Variants in NCAPG observed in about 807,000 individuals in gnomAD.
NCAPG encodes the protein condensin complex subunit 3.
Under a neutral mutation model 113.1 loss-of-function variants are expected in NCAPG, and 69 were observed. That is an observed-to-expected ratio of 0.61 (90% CI 0.50 to 0.75). The LOEUF (loss-of-function observed/expected upper bound fraction) is 0.75, where lower values mean the gene tolerates loss of function less well. Among genes scored for constraint, NCAPG ranks in the 30% least tolerant of loss-of-function variants. The pLI is 0.00. For missense variants in NCAPG, 1,058 were observed against 1,177.0 expected, an observed-to-expected ratio of 0.90 and a Z score of 1.48; for synonymous variants, 370 against 415.8, an observed-to-expected ratio of 0.89 and a Z score of 1.34.
chr4:17,817,237 C>T, intron 5 of NCAPG, 24 bp from the exon 6 acceptor site: 1 of 1,580,640 alleles, frequency 6.3e-7, no homozygotes, highest in Non-Finnish European at 8.6e-7. Context: ...CCTTTGTTCA[C>T]CTATGTTTCA....
intron 19 of NCAPG, chr4:17,842,082 C>A: frequency 2.4e-6 from 1 of 421,356 alleles, no homozygotes; most frequent in Non-Finnish European, 4.4e-6. Flanking sequence ...TCCTTATTTT[C>A]CCTTACTCAT....
rs1210298662 is a variant in NCAPG, at chr4:17,844,132, ATATT to A, written c.*714_*717del. On this transcript the variant is annotated 3_prime_UTR_variant, in exon 21 of 21. Transcript: ENST00000251496. ...GCTATATTTTTGGCATAACAAAATA[ATATT>A]TATTTACTGTGGATAATAATTCTAG... The A allele has an allele frequency of 1.3e-5, 2 of 151,988 alleles. No individual in the cohort carries two copies. Among genetic ancestry groups the A allele is most frequent in the Admixed American group, 1.3e-4 (2 of 15,244 alleles). The allele number at this position is 151,988 out of a possible 1,614,324, so 9.4% of individuals were successfully genotyped here. A position where few individuals can be genotyped will look rare whatever the true frequency, so the allele number is the denominator to read the frequency against.
At chr4:17,827,049 C>A in intron 11 of NCAPG, among the ~76,000 whole-genome samples, 1 of 152,184 alleles carries the variant, frequency 6.6e-6, no homozygotes, top group Non-Finnish European at 1.5e-5. Flanking sequence ...TAGACTTGTG[C>A]TTTTAACTCA....
Position 17,837,533 on chromosome 4 carries a change from T to C in NCAPG, c.2292-94T>C, listed in dbSNP as rs878911125. 3 of 1,394,480 alleles carry C rather than the reference T, an allele frequency of 2.2e-6. No individual in the cohort carries two copies. The South Asian group carries it at 4.1e-5, about 19-fold the overall frequency. 86.4% of individuals were successfully genotyped at this position (1,394,480 alleles called of 1,614,324 possible). ...CTTTCCTAGATGAAAATGCACTTAATGAGTGAATTTCCTACATAGTAGTTT... is the reference window on the plus strand; with the variant it reads ...CTTTCCTAGATGAAAATGCACTTAACGAGTGAATTTCCTACATAGTAGTTT... On this transcript the variant is annotated intron_variant, in intron 15 of 20. Coordinates refer to ENST00000251496, the MANE Select transcript of NCAPG (RefSeq NM_022346.5).
At chr4:17,813,176 A>C in intron 3 of NCAPG, 31 bp downstream of exon 3, 1 of 1,545,288 alleles carries the variant, frequency 6.5e-7, no homozygotes, top group East Asian at 2.3e-5. Flanking sequence ...CTTTTTTCAG[A>C]TTTGTTGATT....
chr4:17,826,674 C>A (rs999899794), intron 11 of NCAPG, among the ~76,000 whole-genome samples: 2 of 152,098 alleles, frequency 1.3e-5, no homozygotes, highest in African/African-American at 2.4e-5. Context: ...TTGTCCTGTT[C>A]GAGGGCTACA....
At chr4:17,840,562 C>A in intron 18 of NCAPG, 45 bp from the exon 19 acceptor site, 4 of 1,118,998 alleles carry the variant, frequency 3.6e-6, no homozygotes, top group South Asian at 2.3e-5. Context: ...TAAAATATTT[C>A]ATGAGGTTAT....
intron 5 of NCAPG, 111 bp downstream of exon 5, chr4:17,815,469 G>T: frequency 1.5e-6 from 1 of 678,858 alleles, no homozygotes; most frequent in East Asian, 3.0e-5. Context: ...CCAGTCCCAT[G>T]AACCTGGTGA....
chr4:17,831,528 G>C (rs1721869099), intron 13 of NCAPG, among the ~76,000 whole-genome samples: 1 of 152,174 alleles, frequency 6.6e-6, no homozygotes, highest in East Asian at 1.9e-4. Context: ...GCAGAGAAGG[G>C]GATTAAGCAG....
rs1473420208 is a variant in NCAPG, at chr4:17,843,839, T to TAACA, written c.*415_*418dup. On this transcript the variant is annotated 3_prime_UTR_variant, in exon 21 of 21. Transcript: ENST00000251496. Reference sequence around the variant, plus strand: ...ACCGCCTGAGGACACATTTAACAAGTAACATTTCTAGGGAAAATGAAGGAA... The same window carrying TAACA: ...ACCGCCTGAGGACACATTTAACAAGTAACAAACATTTCTAGGGAAAATGAAGGAA... The TAACA allele has an allele frequency of 6.5e-6, 1 of 153,718 alleles. No individual in the cohort carries two copies. The highest frequency in any genetic ancestry group is 1.5e-5 in the Non-Finnish European group (1 of 68,960). 9.5% of individuals were successfully genotyped at this position (153,718 alleles called of 1,614,324 possible).
At chr4:17,837,115 G>A (rs1560231969) in intron 14 of NCAPG, 44 bp from the exon 15 acceptor site, 1 of 1,564,768 alleles carries the variant, frequency 6.4e-7, no homozygotes, top group South Asian at 1.1e-5. Context: ...GGCTTAAAAA[G>A]GAGATACAAA....
At position 17,814,902 on chromosome 4, in the gene NCAPG, A is replaced by G. The variant is rs1381769860; in HGVS notation, c.594A>G (p.Ala198=). ...ENDSNPEVRR[A]VLSCIAPSAK... ...ATTCAAATCCAGAAGTTAGACGGGC[A>G]GTGTTATCATGTATTGCACCATCAG... The change falls in exon 4 of 21, where the codon GCA becomes GCG. Residue 198 remains alanine (A), a synonymous_variant. Transcript: ENST00000251496. 2.5e-6 allele frequency: 4 copies of G among 1,614,118 alleles called. No homozygotes were observed. The highest frequency in any genetic ancestry group is 3.4e-6 in the Non-Finnish European group (4 of 1,180,040).
chr4:17,843,183 G>A (rs1320317901), intron 20 of NCAPG, 119 bp from the exon 21 acceptor site: 5 of 1,093,420 alleles, frequency 4.6e-6, no homozygotes, highest in East Asian at 5.0e-5. Context: ...TAAGTCAATG[G>A]AATCAGGCTA....
rs891982411 is a variant in NCAPG, at chr4:17,843,607, G to GA, written c.*187dup. On this transcript the variant is annotated 3_prime_UTR_variant, in exon 21 of 21. Coordinates refer to ENST00000251496, the MANE Select transcript of NCAPG (RefSeq NM_022346.5). ...GAGCAGCATCAGTTATTATAGTCCA[G>GA]AAAAAGTGTGCATCAGTCAGTCACA... 4.9e-5 allele frequency: 26 copies of GA among 528,526 alleles called. No individual in the cohort carries two copies. The highest frequency in any genetic ancestry group is 8.2e-5 in the Non-Finnish European group (25 of 303,514). 32.7% of individuals were successfully genotyped at this position (528,526 alleles called of 1,614,324 possible). A position where few individuals can be genotyped will look rare whatever the true frequency, so the allele number is the denominator to read the frequency against.
At chr4:17,827,024 C>T (rs1721681091) in intron 11 of NCAPG, among the ~76,000 whole-genome samples, 1 of 152,182 alleles carries the variant, frequency 6.6e-6, no homozygotes, top group Non-Finnish European at 1.5e-5. Context: ...AGGATTTAAA[C>T]CCAAGAAGTG....
At chr4:17,815,449 A>G in intron 5 of NCAPG, 91 bp downstream of exon 5, 2 of 848,624 alleles carry the variant, frequency 2.4e-6, no homozygotes, top group Non-Finnish European at 3.7e-6. Context: ...AATCAGGTCA[A>G]GTAAGCCTGC....
intron 12 of NCAPG, among the ~76,000 whole-genome samples, chr4:17,829,167 C>G (rs1459564313): frequency 6.6e-6 from 1 of 152,058 alleles, no homozygotes; most frequent in African/African-American, 2.4e-5. Context: ...CTAATGGCTA[C>G]AGTATTAGTG....
intron 16 of NCAPG, among the ~76,000 whole-genome samples, chr4:17,838,443 A>T (rs1722191228): frequency 6.6e-6 from 1 of 152,182 alleles, no homozygotes; most frequent in Non-Finnish European, 1.5e-5. Context: ...ATATTAGGCA[A>T]AATTAGGTAA....
chr4:17,822,706 A>G (rs1283700737), intron 7 of NCAPG, among the ~76,000 whole-genome samples: 1 of 152,218 alleles, frequency 6.6e-6, no homozygotes, highest in Non-Finnish European at 1.5e-5. Context: ...ATTAGTTATC[A>G]GTTAGACATA....
Sources: allele counts gnomAD v4.1 joint callset (sites outside exome capture counted in the v4.1 genomes callset), GRCh38; gene constraint gnomAD v4.1.1; transcripts MANE v1.5; gene names NCBI Gene and HGNC (gene_info 2026-07-23, HGNC 2026-07-21).